HTR1F: variants seen among roughly 807,000 people sequenced by gnomAD.
HTR1F encodes 5-hydroxytryptamine (serotonin) receptor 1F, G protein-coupled.
In HTR1F, 17 loss-of-function variants were observed where a neutral mutation model predicts 24.0. That is an observed-to-expected ratio of 0.71 (90% CI 0.48 to 1.06). The LOEUF is 1.06. Ranked by LOEUF, HTR1F falls within the 50% of genes least tolerant of loss-of-function variation. The pLI, the probability that HTR1F is intolerant of heterozygous loss-of-function variation, is 0.00. For missense variants in HTR1F, 391 were observed against 427.8 expected (o/e 0.91, Z 0.76); for synonymous variants, 186 against 156.8 (o/e 1.19, Z -1.39).
chr3:87,902,221 G>A (rs1386507854), intron 2 of HTR1F, among the ~76,000 whole-genome samples: 3 of 152,214 alleles, frequency 2.0e-5, no homozygotes, highest in African/African-American at 7.2e-5. Context: ...GGACAGGAAA[G>A]TAGCACAATA....
intron 2 of HTR1F, among the ~76,000 whole-genome samples, chr3:87,892,443 G>C (rs1706105540): frequency 1.3e-5 from 2 of 152,040 alleles, no homozygotes; most frequent in Admixed American, 6.6e-5. Context: ...TTACCATAAA[G>C]GCGGCAAGAC....
chr3:87,952,502 A>G (rs1187460528), intron 2 of HTR1F, among the ~76,000 whole-genome samples: 1 of 151,944 alleles, frequency 6.6e-6, no homozygotes, highest in Non-Finnish European at 1.5e-5. Context: ...TCATAAAAGT[A>G]TTTTAAGATT....
chr3:87,977,623 T>A (rs189762520), intron 2 of HTR1F, among the ~76,000 whole-genome samples: 6 of 151,426 alleles, frequency 4.0e-5, no homozygotes, highest in Non-Finnish European at 7.4e-5. Flanking sequence ...AAGGTTCACC[T>A]TGTTAGCCAG....
At chr3:87,897,390 A>G (rs1348773161) in intron 2 of HTR1F, among the ~76,000 whole-genome samples, 1 of 152,030 alleles carries the variant, frequency 6.6e-6, no homozygotes, top group African/African-American at 2.4e-5. Context: ...TGAAATCCAA[A>G]AAAAAGGTCA....
chr3:87,805,449 G>A (rs1410794974), intron 1 of HTR1F, among the ~76,000 whole-genome samples: 3 of 151,776 alleles, frequency 2.0e-5, no homozygotes, highest in South Asian at 4.2e-4. Context: ...TGAGTTCCAC[G>A]CATTTCTTAT....
chr3:87,917,642 A>G (rs1703924393), intron 2 of HTR1F, among the ~76,000 whole-genome samples: 2 of 151,990 alleles, frequency 1.3e-5, no homozygotes, highest in Non-Finnish European at 2.9e-5. Context: ...GGAAAGATAC[A>G]ACCTTCTTAG....
At chr3:87,957,537 CT>C (rs1225748176) in intron 2 of HTR1F, among the ~76,000 whole-genome samples, 1 of 151,088 alleles carries the variant, frequency 6.6e-6, no homozygotes, top group Non-Finnish European at 1.5e-5. Context: ...TATATTGCTT[CT>C]TTTTTAACTA....
intron 2 of HTR1F, among the ~76,000 whole-genome samples, chr3:87,858,481 T>C (rs886936885): frequency 6.6e-6 from 1 of 152,170 alleles, no homozygotes; most frequent in African/African-American, 2.4e-5. Flanking sequence ...TTCCTATCCA[T>C]GGTTTACTTT....
At chr3:87,815,828 A>T (rs1704240517) in intron 1 of HTR1F, among the ~76,000 whole-genome samples, 3 of 152,078 alleles carry the variant, frequency 2.0e-5, no homozygotes, top group Admixed American at 2.0e-4. Flanking sequence ...TCTAAAAACA[A>T]AAGTGACACC....
At chr3:87,981,892 G>A (rs1473999511) in intron 2 of HTR1F, among the ~76,000 whole-genome samples, 1 of 151,996 alleles carries the variant, frequency 6.6e-6, no homozygotes, top group Non-Finnish European at 1.5e-5. Context: ...TAAGCAATGA[G>A]GTGTGCGTAT....
intron 2 of HTR1F, among the ~76,000 whole-genome samples, chr3:87,962,788 T>C (rs1468040353): frequency 1.3e-5 from 2 of 152,042 alleles, no homozygotes; most frequent in Non-Finnish European, 2.9e-5. Context: ...ATTTACTTTG[T>C]CCTTGCTTGG....
At chr3:87,929,893 T>A (rs1704219400) in intron 2 of HTR1F, among the ~76,000 whole-genome samples, 1 of 152,196 alleles carries the variant, frequency 6.6e-6, no homozygotes. Context: ...CTTTGAGCAG[T>A]ATGGCCAGTT....
intron 1 of HTR1F, among the ~76,000 whole-genome samples, chr3:87,797,195 G>A (rs985323017): frequency 6.6e-6 from 1 of 152,160 alleles, no homozygotes; most frequent in Admixed American, 6.5e-5. Context: ...GTTTATCATA[G>A]GTATGTATGG....
chr3:87,874,987 A>C (rs1705638270), intron 2 of HTR1F, among the ~76,000 whole-genome samples: 1 of 152,194 alleles, frequency 6.6e-6, no homozygotes, highest in East Asian at 1.9e-4. Context: ...ATCAACTTAA[A>C]ATGGATTAAA....
intron 1 of HTR1F, among the ~76,000 whole-genome samples, chr3:87,814,158 A>G (rs1003032760): frequency 1.3e-5 from 2 of 152,206 alleles, no homozygotes; most frequent in Non-Finnish European, 2.9e-5. Context: ...AAAATTGAAA[A>G]TGACTGAGAC....
At chr3:87,956,713 A>C (rs1287957681) in intron 2 of HTR1F, among the ~76,000 whole-genome samples, 1 of 151,388 alleles carries the variant, frequency 6.6e-6, no homozygotes, top group Non-Finnish European at 1.5e-5. Flanking sequence ...TGAAAAATTA[A>C]TTCCCAAGTA....
intron 2 of HTR1F, among the ~76,000 whole-genome samples, chr3:87,958,249 A>T (rs185001430): frequency 6.6e-6 from 1 of 151,496 alleles, no homozygotes; most frequent in Non-Finnish European, 1.5e-5. Context: ...AAGGTGGAAA[A>T]TTGTGTTGTT....
intron 1 of HTR1F, among the ~76,000 whole-genome samples, chr3:87,796,580 A>G (rs941047498): frequency 6.6e-6 from 1 of 152,228 alleles, no homozygotes; most frequent in Non-Finnish European, 1.5e-5. Context: ...GGTAGGAGCC[A>G]TAAAAGGAAA....
chr3:87,943,594 C>T (rs1242784501), intron 2 of HTR1F, among the ~76,000 whole-genome samples: 1 of 151,014 alleles, frequency 6.6e-6, no homozygotes, highest in Non-Finnish European at 1.5e-5. Flanking sequence ...TGGGGGGATG[C>T]TGGGGTAGGG....
Sources: allele counts gnomAD v4.1 joint callset (sites outside exome capture counted in the v4.1 genomes callset), GRCh38; gene constraint gnomAD v4.1.1; transcripts MANE v1.5; gene names NCBI Gene and HGNC (gene_info 2026-07-23, HGNC 2026-07-21).